Variants in FRMD1 observed in about 807,000 individuals in gnomAD.
The protein encoded by FRMD1 is FERM domain-containing protein 1.
Under a neutral mutation model 54.9 loss-of-function variants are expected in FRMD1, and 51 were observed. The observed-to-expected ratio is 0.93, with a 90% CI of 0.74 to 1.17. The LOEUF (loss-of-function observed/expected upper bound fraction) is 1.17, where lower values mean the gene tolerates loss of function less well. FRMD1 is among the 50% of genes most tolerant of loss of function. The pLI, the probability that FRMD1 is intolerant of heterozygous loss-of-function variation, is 0.00. For synonymous variants in FRMD1, 324 were observed against 306.4 expected, an observed-to-expected ratio of 1.06 and a Z score of -0.60; for missense variants, 729 against 743.0, an observed-to-expected ratio of 0.98 and a Z score of 0.22.
upstream of FRMD1, chr6:168,081,812 T>A: frequency 2.6e-6 from 1 of 381,796 alleles, no homozygotes; most frequent in Non-Finnish European, 4.7e-6. Flanking sequence ...GGGCGAGGTG[T>A]CCTCTGGGGG....
upstream of FRMD1, among the ~76,000 whole-genome samples, chr6:168,079,601 C>T (rs1419427368): frequency 1.3e-5 from 2 of 152,208 alleles, no homozygotes; most frequent in Non-Finnish European, 2.9e-5. Flanking sequence ...CACCCTGCCC[C>T]ACACACCTCC....
chr6:168,076,307 A>G (rs1800590743), intron 1 of FRMD1, among the ~76,000 whole-genome samples: 1 of 152,262 alleles, frequency 6.6e-6, no homozygotes, highest in African/African-American at 2.4e-5. Flanking sequence ...GCATGTTTCA[A>G]GTCAAATGAG....
At chr6:168,068,945 C>T (rs561952369) in intron 2 of FRMD1, among the ~76,000 whole-genome samples, 1 of 152,360 alleles carries the variant, frequency 6.6e-6, no homozygotes, top group East Asian at 1.9e-4. Flanking sequence ...GTACCTGGCT[C>T]TTCTAGACGG....
At chr6:168,084,297 C>T (rs954030753), upstream of FRMD1, among the ~76,000 whole-genome samples, 1 of 152,198 alleles carries the variant, frequency 6.6e-6, no homozygotes, top group African/African-American at 2.4e-5. Flanking sequence ...GCCTCCAGGG[C>T]AGGTGGGGAA....
intron 5 of FRMD1, 134 bp downstream of exon 5, chr6:168,064,737 C>T (rs1562414015): frequency 7.0e-7 from 1 of 1,427,638 alleles, no homozygotes; most frequent in Non-Finnish European, 9.2e-7. Context: ...AGGTGATTGC[C>T]CTGTTTCCAT....
upstream of FRMD1, among the ~76,000 whole-genome samples, chr6:168,084,643 G>A (rs1800888045): frequency 6.6e-6 from 1 of 152,318 alleles, no homozygotes; most frequent in African/African-American, 2.4e-5. Context: ...TGCAGGACCC[G>A]GCTCCCTCCG....
upstream of FRMD1, among the ~76,000 whole-genome samples, chr6:168,080,704 A>C (rs1171431761): frequency 1.3e-5 from 2 of 152,168 alleles, no homozygotes; most frequent in African/African-American, 4.8e-5. Flanking sequence ...CAGAGGGGAC[A>C]ACAGGCACCA....
At chr6:168,062,645 G>A (rs1375658525) in intron 7 of FRMD1, 3 of 1,548,478 alleles carry the variant, frequency 1.9e-6, no homozygotes, top group East Asian at 2.4e-5. Context: ...GGCTTTCCAG[G>A]GCACGGGGAC....
intron 4 of FRMD1, chr6:168,065,867 GT>G: frequency 3.0e-6 from 3 of 1,000,190 alleles, no homozygotes; most frequent in Non-Finnish European, 3.6e-6. Context: ...ACCCCCTTAG[GT>G]TTTCCCCCAG....
In FRMD1 at chr6:168,056,054, C is replaced by T. The variant is rs1053101533; in HGVS notation, c.*1043G>A. 1 of 152,316 alleles carries T rather than the reference C, an allele frequency of 6.6e-6. No homozygotes were observed. Among genetic ancestry groups the T allele is most frequent in the Admixed American group, 6.5e-5 (1 of 15,286 alleles). 9.4% of individuals were successfully genotyped at this position (152,316 alleles called of 1,614,324 possible). ...AGGGCACAGGGCTGAACGATTGTGG[C>T]CTCTCAGTGCTCTGGGATGGGCCTG... On this transcript the variant is annotated 3_prime_UTR_variant, in exon 11 of 11. Coordinates refer to ENST00000283309, the MANE Select transcript of FRMD1 (RefSeq NM_024919.6).
Position 168,078,896 on chromosome 6 carries a change from G to A in FRMD1, c.199C>T (p.Arg67Trp), listed in dbSNP as rs551282366. 1.1e-5 allele frequency: 17 copies of A among 1,592,120 alleles called. No homozygotes were observed. The South Asian group carries it at 1.6e-4, about 15-fold the overall frequency. ...LVLLPSREQL[R>W]LAVGVKATGR... is the part of the protein sequence containing the mutation. ...GCCCTGCTCACCCCCACGGCCAGCC[G>A]CAGTTGCTCCCGGCTGGGCAGCAGC... Residue 67 changes from arginine to tryptophan, a missense_variant, in exon 1 of 11, where the codon CGG becomes TGG. Transcript: ENST00000283309.
Position 168,079,148 on chromosome 6 carries a change from C to T in FRMD1, c.-54G>A, listed in dbSNP as rs1338537538. The stretch of plus-strand genomic sequence containing the variant: ...TGGGTCGCAGGTGGGTGCTCAGCAC[C>T]TCCCAGATCACAGCTGTGCTTTCCG... On this transcript the variant is annotated 5_prime_UTR_variant, in exon 1 of 11. Coordinates refer to ENST00000283309, the MANE Select transcript of FRMD1 (RefSeq NM_024919.6). 6.6e-7 allele frequency: 1 copy of T among 1,519,482 alleles called. No individual in the cohort carries two copies. The highest frequency in any genetic ancestry group is 8.8e-7 in the Non-Finnish European group (1 of 1,137,290). The allele number at this position is 1,519,482 out of a possible 1,614,324, so 94.1% of individuals were successfully genotyped here.
At chr6:168,070,159 C>G (rs1800226544) in intron 2 of FRMD1, among the ~76,000 whole-genome samples, 1 of 151,458 alleles carries the variant, frequency 6.6e-6, no homozygotes, top group South Asian at 2.1e-4. Context: ...ATGATCATAG[C>G]ACTGCATTCC....
chr6:168,088,374 C>G (rs1299719667), intron 1 of FRMD1, among the ~76,000 whole-genome samples: 1 of 152,104 alleles, frequency 6.6e-6, no homozygotes, highest in South Asian at 2.1e-4. Flanking sequence ...GGGGAGTGGC[C>G]GGGAGGCAAG....
chr6:168,078,744 C>G (rs74348217), intron 1 of FRMD1, 138 bp downstream of exon 1: 65,808 of 1,165,118 alleles, frequency 0.056, 2,400 homozygotes, highest in Non-Finnish European at 0.06. Flanking sequence ...CCCCATGGCT[C>G]TGTTTACTCC....
chr6:168,063,711 T>G lies in FRMD1; in HGVS notation c.694A>C (p.Thr232Pro). 6.2e-7 allele frequency: 1 copy of G among 1,613,692 alleles called. No individual in the cohort carries two copies. Residue 232 changes from threonine to proline, a missense_variant, in exon 6 of 11, where the codon ACC becomes CCC. Thr to Pro is a conservative substitution (Grantham distance 38). Transcript: ENST00000283309. ...GIDYILRHMP[T>P]LHRERQGLSP... The stretch of plus-strand genomic sequence containing the variant: ...AGGCCCTGGCGCTCACGGTGCAGGG[T>G]AGGCATGTGCCGGAGGATGTAGTCA...
rs560704292 is a variant in FRMD1, at chr6:168,066,227, G to A, written c.461+528C>T. ...GGAAGTACCACTTTAGGCCGGGCAC[G>A]GTGGCTCACACCTGTAATCCCAGCA... On this transcript the variant is annotated intron_variant, in intron 4 of 10. Coordinates refer to ENST00000283309, the MANE Select transcript of FRMD1 (RefSeq NM_024919.6). The A allele has an allele frequency of 3.9e-5, 39 of 987,912 alleles. No homozygotes were observed. In the African/African-American group the frequency reaches 6.1e-4, roughly 15 times the overall value. 61.2% of individuals were successfully genotyped at this position (987,912 alleles called of 1,614,324 possible). A position where few individuals can be genotyped will look rare whatever the true frequency, so the allele number is the denominator to read the frequency against.
At chr6:168,070,267 GGAAA>G (rs1371936198) in intron 2 of FRMD1, among the ~76,000 whole-genome samples, 4 of 102,446 alleles carry the variant, frequency 3.9e-5, no homozygotes, top group African/African-American at 4.0e-5. Context: ...AAGGAAGGAA[GGAAA>G]GAAAGAAGGA....
At chr6:168,062,736 C>T in intron 7 of FRMD1, 158 bp downstream of exon 7, 1 of 1,562,930 alleles carries the variant, frequency 6.4e-7, no homozygotes, top group Non-Finnish European at 8.7e-7. Context: ...GCACGGTCCA[C>T]CTCCTGCGGG....
Sources: allele counts gnomAD v4.1 joint callset (sites outside exome capture counted in the v4.1 genomes callset), GRCh38; gene constraint gnomAD v4.1.1; transcripts MANE v1.5; gene names NCBI Gene and HGNC (gene_info 2026-07-23, HGNC 2026-07-21).